Variants in NKAIN3 observed in about 807,000 individuals in gnomAD.
NKAIN3 encodes the protein sodium/potassium-transporting ATPase subunit beta-1-interacting protein 3.
Under a neutral mutation model 30.2 loss-of-function variants are expected in NKAIN3, and 25 were observed. The observed-to-expected ratio is 0.83, with a 90% CI of 0.60 to 1.16. The LOEUF (loss-of-function observed/expected upper bound fraction) is 1.16. Ranked by LOEUF, NKAIN3 falls within the 50% of genes most tolerant of loss-of-function variation. The pLI is 0.00. For missense variants in NKAIN3, 225 were observed against 254.1 expected (o/e 0.89, Z 0.78); for synonymous variants, 91 against 89.6 (o/e 1.02, Z -0.09).
intron 1 of NKAIN3, among the ~76,000 whole-genome samples, chr8:62,502,930 G>C (rs966568186): frequency 6.6e-5 from 10 of 152,268 alleles, no homozygotes; most frequent in Admixed American, 4.6e-4. Context: ...TTCTTGTGCA[G>C]CTGTAAAATG....
chr8:62,547,721 G>A (rs1025276292), intron 1 of NKAIN3, among the ~76,000 whole-genome samples: 21 of 152,148 alleles, frequency 1.4e-4, no homozygotes, highest in African/African-American at 5.1e-4. Context: ...ATCAAGTGTT[G>A]GGGTCAGCTG....
At chr8:62,377,317 A>G (rs1322881479) in intron 1 of NKAIN3, among the ~76,000 whole-genome samples, 1 of 152,208 alleles carries the variant, frequency 6.6e-6, no homozygotes, top group Non-Finnish European at 1.5e-5. Context: ...TTCTTCAAAT[A>G]AAAGCTCCAA....
intron 4 of NKAIN3, among the ~76,000 whole-genome samples, chr8:62,836,373 A>G (rs1317329725): frequency 1.3e-5 from 2 of 151,866 alleles, no homozygotes; most frequent in African/African-American, 2.4e-5. Context: ...CCCACATCTA[A>G]CCTAAATGTT....
At chr8:62,612,074 C>A (rs1458737721) in intron 3 of NKAIN3, among the ~76,000 whole-genome samples, 2 of 151,872 alleles carry the variant, frequency 1.3e-5, no homozygotes, top group African/African-American at 4.8e-5. Flanking sequence ...AGCCTGTTTG[C>A]CATTTGTATG....
chr8:62,901,659 C>A (rs1018144446), intron 4 of NKAIN3, among the ~76,000 whole-genome samples: 5 of 152,136 alleles, frequency 3.3e-5, no homozygotes, highest in African/African-American at 1.2e-4. Flanking sequence ...CTTTTACGTA[C>A]GTCCCGCAAG....
rs1348344653 is a variant in NKAIN3 at position 62,968,424 on chromosome 8, A to G, written c.*3017A>G. Reference sequence around the variant, plus strand: ...TTTTCAGCAAAGACATGGTCACTACATGCACTGTATGTTCTTGCCAAACCT... The same window carrying G: ...TTTTCAGCAAAGACATGGTCACTACGTGCACTGTATGTTCTTGCCAAACCT... On this transcript the variant is annotated 3_prime_UTR_variant, in exon 7 of 7. Transcript: ENST00000623646. Among the ~76,000 whole-genome samples, 1 of 152,202 alleles carries G rather than the reference A, an allele frequency of 6.6e-6. No individual in the cohort carries two copies. The highest frequency in any genetic ancestry group is 2.4e-5 in the African/African-American group (1 of 41,448).
chr8:62,808,990 C>A (rs564934824), intron 4 of NKAIN3, among the ~76,000 whole-genome samples: 9 of 152,180 alleles, frequency 5.9e-5, no homozygotes, highest in Admixed American at 5.9e-4. Flanking sequence ...CCCAGAGTGG[C>A]CATTTTAGAG....
chr8:62,656,629 A>G (rs1183109565), intron 3 of NKAIN3, among the ~76,000 whole-genome samples: 1 of 152,142 alleles, frequency 6.6e-6, no homozygotes, highest in African/African-American at 2.4e-5. Flanking sequence ...TTCCAAAAAC[A>G]TACATTATTT....
intron 1 of NKAIN3, among the ~76,000 whole-genome samples, chr8:62,558,201 A>C (rs904700543): frequency 1.3e-5 from 2 of 151,898 alleles, no homozygotes; most frequent in Non-Finnish European, 2.9e-5. Context: ...TTGCTTTGTC[A>C]AAGGTCATTT....
intron 1 of NKAIN3, among the ~76,000 whole-genome samples, chr8:62,399,528 G>A (rs1817870675): frequency 6.6e-6 from 1 of 152,094 alleles, no homozygotes; most frequent in East Asian, 1.9e-4. Flanking sequence ...GAGAGAGAGA[G>A]AGAAAGAAAT....
In NKAIN3 at chr8:62,268,781, A is replaced by G. The variant is rs1424128554; in HGVS notation, c.54+19654A>G. Among the ~76,000 whole-genome samples the G allele has an allele frequency of 2.6e-5, 4 of 152,152 alleles. No homozygotes were observed. The East Asian group carries it at 5.8e-4, about 22-fold the overall frequency. ...TTCCAACCTAACACCATGAATGTCT[A>G]TACCCAGGTTCTCTCTACTGCTACA... On this transcript the variant is annotated intron_variant, in intron 1 of 6. Coordinates refer to ENST00000623646, the MANE Select transcript of NKAIN3 (RefSeq NM_001304533.3).
intron 1 of NKAIN3, among the ~76,000 whole-genome samples, chr8:62,328,346 C>G (rs891443630): frequency 3.3e-5 from 5 of 152,012 alleles, no homozygotes; most frequent in African/African-American, 1.2e-4. Context: ...CTTAACGGAC[C>G]TGCTATTTCA....
intron 1 of NKAIN3, among the ~76,000 whole-genome samples, chr8:62,528,134 A>G (rs1450592619): frequency 6.6e-6 from 1 of 150,844 alleles, no homozygotes; most frequent in Admixed American, 6.7e-5. Flanking sequence ...CTGTGTCAGC[A>G]TGGGTGGCCC....
chr8:62,690,302 C>T (rs981109651), intron 3 of NKAIN3, among the ~76,000 whole-genome samples: 2 of 152,160 alleles, frequency 1.3e-5, no homozygotes, highest in African/African-American at 4.8e-5. Context: ...GCCCCGTGCC[C>T]CTGGACCAGT....
intron 4 of NKAIN3, among the ~76,000 whole-genome samples, chr8:62,911,869 T>C (rs1338886448): frequency 6.6e-6 from 1 of 152,184 alleles, no homozygotes; most frequent in Admixed American, 6.5e-5. Context: ...CTTCTTTTTC[T>C]ATTTATTTTT....
At chr8:62,420,882 T>C (rs1263883353) in intron 1 of NKAIN3, among the ~76,000 whole-genome samples, 1 of 152,114 alleles carries the variant, frequency 6.6e-6, no homozygotes, top group Non-Finnish European at 1.5e-5. Flanking sequence ...TGGTTTTGGG[T>C]AATAACCACT....
chr8:62,415,252 T>G (rs1405293956), intron 1 of NKAIN3, among the ~76,000 whole-genome samples: 1 of 143,504 alleles, frequency 7.0e-6, no homozygotes, highest in East Asian at 2.0e-4. Context: ...TTATATATAA[T>G]AAATATAATA....
At chr8:62,385,794 A>C (rs551588355) in intron 1 of NKAIN3, among the ~76,000 whole-genome samples, 1 of 152,176 alleles carries the variant, frequency 6.6e-6, no homozygotes, top group African/African-American at 2.4e-5. Flanking sequence ...TACAGTATGC[A>C]GTGTTTTGGT....
At chr8:62,397,670 C>T (rs1159171901) in intron 1 of NKAIN3, among the ~76,000 whole-genome samples, 2 of 152,138 alleles carry the variant, frequency 1.3e-5, no homozygotes, top group Admixed American at 6.6e-5. Flanking sequence ...ATAAGGCTAA[C>T]TCTGAATTAC....
Sources: gnomAD v4.1 joint callset for allele counts (sites outside exome capture counted in the v4.1 genomes callset) on GRCh38, gnomAD v4.1.1 for gene constraint, MANE v1.5 for transcripts, NCBI Gene and HGNC (gene_info 2026-07-23, HGNC 2026-07-21) for gene names.